FANCD2: variants seen among roughly 807,000 people sequenced by gnomAD.
The protein encoded by FANCD2 is Fanconi anemia group D2 protein.
A neutral mutation model predicts 192.3 loss-of-function variants in FANCD2; 131 were observed. The ratio of observed to expected loss-of-function variants is 0.68; its 90% confidence interval spans 0.59 to 0.79. FANCD2 has a LOEUF of 0.79. FANCD2 is among the 30% of genes least tolerant of loss of function. The pLI is 0.00. For missense variants in FANCD2, 1,508 were observed against 1,701.6 expected (o/e 0.89, Z 2.00); for synonymous variants, 524 against 612.5 (o/e 0.86, Z 2.13).
At position 10,087,278 on chromosome 3, in the gene FANCD2, ATCC is replaced by A. The variant is rs2125073158; in HGVS notation, c.3466+16_3466+18del. ...AAGAAAAAATTGGTGATGGGCCTAG[ATCC>A]TTTTTTTTTTTTTTTTTTTAATGAA... On this transcript the variant is annotated intron_variant, in intron 34 of 43. Coordinates refer to ENST00000675286, the MANE Select transcript of FANCD2 (RefSeq NM_001018115.3). 1 of 1,387,110 alleles carries A rather than the reference ATCC, an allele frequency of 7.2e-7. No homozygotes were observed. Among genetic ancestry groups the A allele is most frequent in the Non-Finnish European group, 9.7e-7 (1 of 1,026,998 alleles). 85.9% of individuals were successfully genotyped at this position (1,387,110 alleles called of 1,614,324 possible).
chr3:10,041,902 T>A (rs1221984437), intron 10 of FANCD2, among the ~76,000 whole-genome samples, 192 bp downstream of exon 10: 1 of 133,192 alleles, frequency 7.5e-6, no homozygotes, highest in Non-Finnish European at 1.5e-5. Context: ...GAGTCACAGG[T>A]CTGTTTTTTT....
At chr3:10,070,180 G>A (rs60061292) in intron 26 of FANCD2, among the ~76,000 whole-genome samples, 28,254 of 146,992 alleles carry the variant, frequency 0.19, 2,975 homozygotes, top group African/African-American at 0.31. Context: ...GAGACCCTCC[G>A]CCCGGCAACC....
intron 25 of FANCD2, among the ~76,000 whole-genome samples, chr3:10,066,845 C>T (rs911512907): frequency 3.9e-5 from 6 of 152,174 alleles, no homozygotes; most frequent in African/African-American, 1.4e-4. Flanking sequence ...CTTCTTCAGC[C>T]TCCCTAGTAG....
chr3:10,036,575 C>T (rs1341877500), intron 7 of FANCD2, among the ~76,000 whole-genome samples: 1 of 152,108 alleles, frequency 6.6e-6, no homozygotes, highest in Admixed American at 6.5e-5. Context: ...TGGCTCACAC[C>T]TGTAATCCCA....
intron 26 of FANCD2, among the ~76,000 whole-genome samples, chr3:10,070,623 A>T (rs899124550): frequency 1.7e-4 from 25 of 142,976 alleles, no homozygotes; most frequent in Admixed American, 1.2e-3. Flanking sequence ...CCCGTCTGGG[A>T]GGTGTACCCA....
intron 33 of FANCD2, among the ~76,000 whole-genome samples, chr3:10,086,609 G>A (rs1456775403): frequency 2.6e-5 from 4 of 152,000 alleles, no homozygotes; most frequent in African/African-American, 9.7e-5. Flanking sequence ...AGCCTCCCAA[G>A]ACGCTGGGAT....
chr3:10,074,893 A>G (rs992031795), intron 29 of FANCD2, among the ~76,000 whole-genome samples: 6 of 151,908 alleles, frequency 3.9e-5, no homozygotes, highest in Non-Finnish European at 8.8e-5. Context: ...TATCATGCCA[A>G]TGATGTAATC....
intron 38 of FANCD2, among the ~76,000 whole-genome samples, chr3:10,092,551 G>A (rs1022809836): frequency 4.0e-5 from 6 of 151,106 alleles, no homozygotes; most frequent in African/African-American, 9.7e-5. Flanking sequence ...TGATCTGAGC[G>A]CACATTCCCT....
At chr3:10,046,814 A>T in intron 15 of FANCD2, 91 bp downstream of exon 15, 1 of 1,117,294 alleles carries the variant, frequency 9.0e-7, no homozygotes, top group South Asian at 1.3e-5. Flanking sequence ...CCATTGTTCA[A>T]ACCCATTGAG....
intron 18 of FANCD2, among the ~76,000 whole-genome samples, chr3:10,054,481 T>C (rs1376195429): frequency 1.8e-5 from 1 of 55,052 alleles, no homozygotes; most frequent in African/African-American, 8.3e-5. Flanking sequence ...ATATTTTTTT[T>C]TTTTTTTTTT....
intron 2 of FANCD2, among the ~76,000 whole-genome samples, chr3:10,029,684 C>T (rs2086542845): frequency 6.6e-6 from 1 of 152,158 alleles, no homozygotes; most frequent in Admixed American, 6.6e-5. Flanking sequence ...ACCTGTCACC[C>T]GAAAAGTGTA....
At chr3:10,091,242 G>A (rs1454640198) in intron 37 of FANCD2, among the ~76,000 whole-genome samples, 1 of 150,322 alleles carries the variant, frequency 6.7e-6, no homozygotes, top group African/African-American at 2.4e-5. Flanking sequence ...CACCATGCCC[G>A]GCTAATTTTT....
intron 36 of FANCD2, 152 bp downstream of exon 36, chr3:10,089,102 T>G: frequency 1.2e-6 from 1 of 826,744 alleles, no homozygotes; most frequent in Non-Finnish European, 2.0e-6. Flanking sequence ...TTGGCCAACA[T>G]AGTGAAACCC....
intron 30 of FANCD2, among the ~76,000 whole-genome samples, chr3:10,078,716 C>T (rs1442584280): frequency 6.6e-6 from 1 of 151,666 alleles, no homozygotes; most frequent in African/African-American, 2.4e-5. Flanking sequence ...GTAATGCCAG[C>T]ACTTTGGGAG....
intron 17 of FANCD2, 120 bp from the exon 18 acceptor site, chr3:10,052,267 T>TA (rs2087240354): frequency 2.8e-6 from 2 of 713,830 alleles, no homozygotes; most frequent in Non-Finnish European, 5.1e-6. Context: ...TTAAGGGAGC[T>TA]AAAAAGTTTT....
chr3:10,036,221 TG>T, intron 6 of FANCD2, 65 bp from the exon 7 acceptor site: 1 of 1,382,230 alleles, frequency 7.2e-7, no homozygotes, highest in Non-Finnish European at 1.0e-6. Context: ...CCCAAGTAGC[TG>T]GGATTATACA....
At chr3:10,065,261 A>G (rs973187671) in intron 23 of FANCD2, 133 bp from the exon 24 acceptor site, 2 of 714,234 alleles carry the variant, frequency 2.8e-6, no homozygotes, top group African/African-American at 3.5e-5. Flanking sequence ...TGCACTCCAG[A>G]CTGGGCGACA....
chr3:10,045,100 T>C (rs111913511), intron 14 of FANCD2, among the ~76,000 whole-genome samples: 1 of 151,512 alleles, frequency 6.6e-6, no homozygotes, highest in Admixed American at 6.6e-5. Context: ...TTTTTTTTTT[T>C]TCCTGGAAGC....
At chr3:10,067,478 C>T (rs2087753352) in intron 26 of FANCD2, among the ~76,000 whole-genome samples, 161 bp downstream of exon 26, 1 of 152,238 alleles carries the variant, frequency 6.6e-6, no homozygotes, top group Admixed American at 6.5e-5. Context: ...TAACAAAATA[C>T]TAGCAAACCT....
Sources: allele counts gnomAD v4.1 joint callset (sites outside exome capture counted in the v4.1 genomes callset), GRCh38; gene constraint gnomAD v4.1.1; transcripts MANE v1.5; gene names NCBI Gene and HGNC (gene_info 2026-07-23, HGNC 2026-07-21).